PSG5: variants seen among roughly 807,000 people sequenced by gnomAD.
PSG5 encodes the protein pregnancy-specific beta-1-glycoprotein 5.
A neutral mutation model predicts 37.7 loss-of-function variants in PSG5; 53 were observed. The observed-to-expected ratio is 1.41, with a 90% CI of 1.13 to 1.77. The LOEUF (loss-of-function observed/expected upper bound fraction) is 1.77. Ranked by LOEUF, PSG5 falls within the 40% of genes most tolerant of loss-of-function variation. The pLI is 0.00. For missense variants in PSG5, 547 were observed against 405.2 expected (o/e 1.35, Z -3.00); for synonymous variants, 221 against 155.4 (o/e 1.42, Z -3.14).
intron 4 of PSG5, chr19:43,174,554 A>C: frequency 1.1e-6 from 1 of 897,760 alleles, no homozygotes; most frequent in Non-Finnish European, 1.3e-6. Flanking sequence ...GCAACGCAGG[A>C]GTCTTCCCTG....
At chr19:43,179,056 A>T (rs771977201) in intron 2 of PSG5, 1 of 1,612,736 alleles carries the variant, frequency 6.2e-7, no homozygotes, top group South Asian at 1.1e-5. Flanking sequence ...CACCACAGGT[A>T]GCTTGTGTCT....
intron 1 of PSG5, 147 bp from the exon 2 acceptor site, chr19:43,185,294 TTA>T (rs1966909560): frequency 8.3e-7 from 1 of 1,207,620 alleles, no homozygotes; most frequent in African/African-American, 1.5e-5. Flanking sequence ...AAGGTGCATG[TTA>T]GTTTGTGTGT....
At chr19:43,184,313 C>T (rs1466221210) in intron 2 of PSG5, among the ~76,000 whole-genome samples, 8 of 151,628 alleles carry the variant, frequency 5.3e-5, no homozygotes, top group Admixed American at 2.6e-4. Context: ...CCCAGTAAGG[C>T]CTGCCCAATA....
chr19:43,170,141 G>T lies in PSG5; in HGVS notation c.965-3C>A, dbSNP rs1450585783. On this transcript the variant is annotated splice_polypyrimidine_tract_variant and splice_region_variant and intron_variant, in intron 4 of 5. Transcript: ENST00000342951. ...AAGACGTCCTATTCCTGAAGGAGCT[G>T]TCATGGAAAGAAAAGTAAAGAAGGA... 1 of 1,581,912 alleles carries T rather than the reference G, an allele frequency of 6.3e-7. No homozygotes were observed. Among genetic ancestry groups the T allele is most frequent in the East Asian group, 2.3e-5 (1 of 43,860 alleles).
intron 5 of PSG5, among the ~76,000 whole-genome samples, chr19:43,169,459 AT>A (rs1310334234): frequency 6.6e-6 from 1 of 151,588 alleles, no homozygotes; most frequent in Non-Finnish European, 1.5e-5. Context: ...GGAACTAAGA[AT>A]TTTATGTCTA....
At chr19:43,169,705 T>A (rs537500555) in intron 5 of PSG5, among the ~76,000 whole-genome samples, 3 of 151,756 alleles carry the variant, frequency 2.0e-5, no homozygotes, top group Admixed American at 2.0e-4. Context: ...CCACAAGAAG[T>A]CAAGCAATAC....
intron 2 of PSG5, chr19:43,178,842 T>C (rs1243243063): frequency 1.9e-6 from 3 of 1,612,674 alleles, no homozygotes; most frequent in South Asian, 2.2e-5. Context: ...GTATTTGGGA[T>C]GGCAGCCTGG....
intron 4 of PSG5, among the ~76,000 whole-genome samples, chr19:43,171,901 G>A (rs754409510): frequency 6.7e-6 from 1 of 150,200 alleles, no homozygotes; most frequent in Non-Finnish European, 1.5e-5. Flanking sequence ...GAGCCCAGGA[G>A]GTTAAGGCTG....
intron 2 of PSG5, chr19:43,179,009 C>T (rs992180280): frequency 6.2e-7 from 1 of 1,612,638 alleles, no homozygotes; most frequent in Non-Finnish European, 8.5e-7. Context: ...TGGACAGCTG[C>T]AACCTGTGAG....
Position 43,175,393 on chromosome 19 carries a change from G to A in PSG5, c.786C>T (p.Phe262=), listed in dbSNP as rs766162680. 18 of 1,612,746 alleles carry A rather than the reference G, an allele frequency of 1.1e-5. 1 individual carries two copies. Among genetic ancestry groups the A allele is most frequent in the East Asian group, 2.2e-5 (1 of 44,892 alleles). ...ACTCTGCCGGTGGGTTAGATTCCGCGAAGCAGGACAAGTAGAGGTTTTCTC... is the reference window on the plus strand; with the variant it reads ...ACTCTGCCGGTGGGTTAGATTCCGCAAAGCAGGACAAGTAGAGGTTTTCTC... ...RSGENLYLSC[F]AESNPPAEYF... is the part of the protein sequence containing the mutation. The change falls in exon 4 of 6, where the codon TTC becomes TTT. Residue 262 remains phenylalanine, a synonymous_variant. Transcript: ENST00000342951.
At chr19:43,184,436 G>GC (rs1380979102) in intron 2 of PSG5, among the ~76,000 whole-genome samples, 1 of 151,588 alleles carries the variant, frequency 6.6e-6, no homozygotes, top group African/African-American at 2.4e-5. Context: ...GTCTCAGGGG[G>GC]CCCCTCAGGC....
At chr19:43,176,358 T>G (rs1320871260) in intron 2 of PSG5, among the ~76,000 whole-genome samples, 1 of 151,586 alleles carries the variant, frequency 6.6e-6, no homozygotes, top group South Asian at 2.1e-4. Context: ...AAGCACAGAC[T>G]TTCTCAAGTG....
chr19:43,176,580 C>T (rs1418653465), intron 2 of PSG5, among the ~76,000 whole-genome samples: 2 of 151,514 alleles, frequency 1.3e-5, no homozygotes. Context: ...CAAGGACATT[C>T]TAGAGATGAG....
chr19:43,172,105 G>A (rs949250123), intron 4 of PSG5, among the ~76,000 whole-genome samples: 2 of 151,232 alleles, frequency 1.3e-5, no homozygotes, highest in East Asian at 1.9e-4. Flanking sequence ...TAACCTAGAT[G>A]AAATAGACAA....
chr19:43,176,966 A>T (rs2122219517), intron 2 of PSG5, among the ~76,000 whole-genome samples: 1 of 151,846 alleles, frequency 6.6e-6, no homozygotes, highest in African/African-American at 2.4e-5. Context: ...GATGTTTGCA[A>T]ATGCAGAACT....
intron 4 of PSG5, 126 bp from the exon 5 acceptor site, chr19:43,170,264 T>G: frequency 1.1e-6 from 1 of 951,950 alleles, no homozygotes; most frequent in Non-Finnish European, 1.5e-6. Flanking sequence ...TTATTCCTCT[T>G]GGGAAATTGA....
chr19:43,179,229 A>T (rs1969076892), intron 2 of PSG5: 2 of 1,459,894 alleles, frequency 1.4e-6, no homozygotes, highest in Admixed American at 3.8e-5. Context: ...TTTCAATCAG[A>T]GTTGGCATTT....
chr19:43,180,599 A>G (rs1969108108), intron 2 of PSG5: 1 of 151,612 alleles, frequency 6.6e-6, no homozygotes, highest in African/African-American at 2.4e-5. Context: ...TTCTGACTCT[A>G]GTAACAAAAA....
At chr19:43,168,699 A>G (rs746201655) in intron 5 of PSG5, among the ~76,000 whole-genome samples, 1 of 151,712 alleles carries the variant, frequency 6.6e-6, no homozygotes, top group Non-Finnish European at 1.5e-5. Context: ...TAACATTCCC[A>G]TAAATATTAT....
Sources: allele counts gnomAD v4.1 joint callset (sites outside exome capture counted in the v4.1 genomes callset), GRCh38; gene constraint gnomAD v4.1.1; transcripts MANE v1.5; gene names NCBI Gene and HGNC (gene_info 2026-07-23, HGNC 2026-07-21).